KRT8: variants seen among roughly 807,000 people sequenced by gnomAD.
The protein encoded by KRT8 is keratin, type II cytoskeletal 8.
A neutral mutation model predicts 43.0 loss-of-function variants in KRT8; 24 were observed. The observed-to-expected ratio is 0.56, with a 90% CI of 0.40 to 0.78. The LOEUF (loss-of-function observed/expected upper bound fraction) is 0.78, where lower values mean the gene tolerates loss of function less well. Ranked by LOEUF, KRT8 falls within the 30% of genes least tolerant of loss-of-function variation. The pLI, the probability that KRT8 is intolerant of heterozygous loss-of-function variation, is 0.00. For synonymous variants in KRT8, 214 were observed against 261.2 expected, an observed-to-expected ratio of 0.82 and a Z score of 1.74; for missense variants, 492 against 638.4, an observed-to-expected ratio of 0.77 and a Z score of 2.47.
At chr12:52,940,432 C>CAAA (rs959352157) in intron 2 of KRT8, among the ~76,000 whole-genome samples, 5 of 50,772 alleles carry the variant, frequency 9.8e-5, no homozygotes, top group African/African-American at 1.2e-4. Context: ...GACTCAGTCT[C>CAAA]AAAAAAAAAA....
chr12:52,899,372 T>C (rs901283953), intron 5 of KRT8, among the ~76,000 whole-genome samples: 1 of 151,930 alleles, frequency 6.6e-6, no homozygotes, highest in African/African-American at 2.4e-5. Context: ...ACATGAGCAG[T>C]TTCCAGGTGC....
rs1343855419 is a variant in KRT8, at chr12:52,901,781, G to A, written c.533+83C>T. 3.2e-6 allele frequency: 3 copies of A among 941,108 alleles called. No homozygotes were observed. In the African/African-American group the frequency reaches 4.8e-5, roughly 15 times the overall value. The allele number at this position is 941,108 out of a possible 1,614,324, so 58.3% of individuals were successfully genotyped here. A position where few individuals can be genotyped will look rare whatever the true frequency, so the allele number is the denominator to read the frequency against. The stretch of plus-strand genomic sequence containing the variant: ...AGGACTGCACTTCCCACAACAGAGG[G>A]CCATGGGGACTTAGTCCCAAGGTCC... On this transcript the variant is annotated intron_variant, in intron 2 of 7. Transcript: ENST00000692008.
chr12:52,909,442 A>G (rs1347502692), upstream of KRT8, among the ~76,000 whole-genome samples: 1 of 152,266 alleles, frequency 6.6e-6, no homozygotes, highest in East Asian at 1.9e-4. Flanking sequence ...CTCAGGAAGC[A>G]GCATCATGAA....
intron 2 of KRT8, among the ~76,000 whole-genome samples, chr12:52,929,825 G>A (rs1218189660): frequency 6.6e-6 from 1 of 152,058 alleles, no homozygotes; most frequent in Non-Finnish European, 1.5e-5. Context: ...TCCACTCTCA[G>A]GGATGATGAA....
intron 1 of KRT8, chr12:52,903,388 C>T (rs190838116): frequency 3.5e-4 from 53 of 152,322 alleles, no homozygotes; most frequent in African/African-American, 1.1e-3. Context: ...TCTATAAGGA[C>T]CCCAGGGCTA....
At chr12:52,922,090 G>C (rs1330108991) in intron 2 of KRT8, among the ~76,000 whole-genome samples, 2 of 144,880 alleles carry the variant, frequency 1.4e-5, no homozygotes, top group Non-Finnish European at 3.0e-5. Context: ...CTAAGCAAGA[G>C]GATAACTGGA....
intron 2 of KRT8, among the ~76,000 whole-genome samples, chr12:52,923,670 G>C (rs899211874): frequency 2.0e-5 from 3 of 151,366 alleles, no homozygotes; most frequent in Non-Finnish European, 2.9e-5. Context: ...CGCCCGCCTC[G>C]GCCTCCCAAA....
At chr12:52,938,427 A>G (rs1481655456) in intron 2 of KRT8, among the ~76,000 whole-genome samples, 1 of 151,564 alleles carries the variant, frequency 6.6e-6, no homozygotes, top group Non-Finnish European at 1.5e-5. Flanking sequence ...TCGGCCTCCC[A>G]AAGTGCTGTG....
chr12:52,900,729 A>T lies in KRT8; in HGVS notation c.595-46T>A, dbSNP rs772081311. 8 of 1,381,134 alleles carry T rather than the reference A, an allele frequency of 5.8e-6. No homozygotes were observed. In the South Asian group the frequency reaches 8.1e-5, roughly 14 times the overall value. 85.6% of individuals were successfully genotyped at this position (1,381,134 alleles called of 1,614,324 possible). ...AGCCTGAGCTGGGTTTCCACACCCAACCCCAACCAAGGGGCTCCCAAGGTC... is the reference window on the plus strand; with the variant it reads ...AGCCTGAGCTGGGTTTCCACACCCATCCCCAACCAAGGGGCTCCCAAGGTC... On this transcript the variant is annotated intron_variant, in intron 3 of 7. Transcript: ENST00000692008.
At chr12:52,904,501 C>T (rs781634254) in intron 1 of KRT8, among the ~76,000 whole-genome samples, 157 bp downstream of exon 1, 1 of 152,164 alleles carries the variant, frequency 6.6e-6, no homozygotes, top group African/African-American at 2.4e-5. Flanking sequence ...AACCAAGGTG[C>T]ACGGGAGGGG....
intron 2 of KRT8, among the ~76,000 whole-genome samples, chr12:52,943,418 T>C (rs147536844): frequency 6.6e-6 from 1 of 152,346 alleles, no homozygotes; most frequent in Admixed American, 6.5e-5. Context: ...TCCTCTCTCC[T>C]GGTCTCTTCC....
At chr12:52,918,246 A>G (rs570877989) in intron 2 of KRT8, among the ~76,000 whole-genome samples, 290 of 151,922 alleles carry the variant, frequency 1.9e-3, no homozygotes, top group African/African-American at 6.8e-3. Context: ...AAGAAGAAGA[A>G]GAAGAAGAAG....
chr12:52,912,826 AG>A (rs1941661844), intron 2 of KRT8, among the ~76,000 whole-genome samples: 1 of 152,236 alleles, frequency 6.6e-6, no homozygotes, highest in African/African-American at 2.4e-5. Context: ...TGGTCAGGCC[AG>A]GGGCTGTGGA....
intron 2 of KRT8, chr12:52,949,056 G>A (rs973259445): frequency 1.6e-5 from 16 of 978,666 alleles, no homozygotes; most frequent in African/African-American, 1.2e-4. Context: ...CTTCCGAAGC[G>A]GCTCCGGGGC....
chr12:52,922,057 TG>T (rs1321710031), intron 2 of KRT8, among the ~76,000 whole-genome samples: 1 of 151,694 alleles, frequency 6.6e-6, no homozygotes, highest in African/African-American at 2.4e-5. Context: ...GGTGCACACC[TG>T]TATTTCCAGC....
In KRT8 at chr12:52,934,266, GAGA is replaced by G. The variant is rs1331920828; in HGVS notation, c.-47+15187_-47+15189del. On this transcript the variant is annotated intron_variant, in intron 2 of 6. Coordinates refer to the KRT8 transcript ENST00000546826. The stretch of plus-strand genomic sequence containing the variant: ...AAAATAAAAGAAAAGGAAGGAGAAG[GAGA>G]AGGAGAAGAAGCCGGGCACAGTGGT... Among the ~76,000 whole-genome samples, 7 of 149,604 alleles carry G rather than the reference GAGA, an allele frequency of 4.7e-5. No individual in the cohort carries two copies. The East Asian group carries it at 1.4e-3, about 30-fold the overall frequency.
upstream of KRT8, among the ~76,000 whole-genome samples, chr12:52,905,733 A>G (rs1592167223): frequency 1.6e-5 from 1 of 61,542 alleles, no homozygotes; most frequent in Non-Finnish European, 2.8e-5. Flanking sequence ...ACACACACAC[A>G]CACACACACA....
intron 1 of KRT8, chr12:52,949,699 AG>A (rs1565737792): frequency 4.9e-6 from 5 of 1,029,802 alleles, no homozygotes; most frequent in South Asian, 1.3e-5. Context: ...CTCCACCGGG[AG>A]GGGGTTGGGC....
At chr12:52,919,622 T>A (rs574737122) in intron 2 of KRT8, among the ~76,000 whole-genome samples, 2 of 151,814 alleles carry the variant, frequency 1.3e-5, no homozygotes, top group Admixed American at 6.6e-5. Flanking sequence ...ATCTCTTACA[T>A]ATATTATATA....
Sources: gnomAD v4.1 joint callset for allele counts (sites outside exome capture counted in the v4.1 genomes callset) on GRCh38, gnomAD v4.1.1 for gene constraint, MANE v1.5 for transcripts, NCBI Gene and HGNC (gene_info 2026-07-23, HGNC 2026-07-21) for gene names.